The following ITGA2 variants were observed in gnomAD, a reference collection of about 807,000 sequenced individuals.
ITGA2 encodes integrin subunit alpha 2.
A neutral mutation model predicts 146.3 loss-of-function variants in ITGA2; 101 were observed. The ratio of observed to expected loss-of-function variants is 0.69; its 90% CI spans 0.59 to 0.81. The LOEUF is 0.81. Among genes scored for constraint, ITGA2 ranks in the 40% least tolerant of loss-of-function variants. ITGA2 has a pLI of 0.00. For missense variants in ITGA2, 1,281 were observed against 1,402.7 expected, an observed-to-expected ratio of 0.91 and a Z score of 1.39; for synonymous variants, 477 against 487.1, an observed-to-expected ratio of 0.98 and a Z score of 0.27.
At chr5:53,002,544 T>A (rs1327182763) in intron 1 of ITGA2, among the ~76,000 whole-genome samples, 1 of 152,210 alleles carries the variant, frequency 6.6e-6, no homozygotes, top group African/African-American at 2.4e-5. Context: ...CATGTGAGTT[T>A]TATATTTATA....
chr5:53,043,710 A>G (rs1743917952), intron 3 of ITGA2, among the ~76,000 whole-genome samples: 1 of 152,210 alleles, frequency 6.6e-6, no homozygotes, highest in Admixed American at 6.5e-5. Flanking sequence ...TGTAGGGAAC[A>G]TGGAGGCAGC....
Position 53,069,374 on chromosome 5 carries a change from T to C in ITGA2, c.2084-735T>C, listed in dbSNP as rs1421802374. On this transcript the variant is annotated intron_variant, in intron 16 of 29. Transcript: ENST00000296585. ...AAATTGCCCCAAGTCACAGAGCTCA[T>C]AAACAGCAGAATTAGGATTCAAACC... is the stretch of plus-strand genomic sequence containing the variant. Among the ~76,000 whole-genome samples the C allele has an allele frequency of 2.6e-5, 4 of 151,888 alleles. No homozygotes were observed. In the South Asian group the frequency reaches 6.2e-4, roughly 24 times the overall value.
rs762940906 is a variant in ITGA2 at position 53,065,848 on chromosome 5, T to G, written c.1814T>G (p.Leu605Trp). The stretch of plus-strand genomic sequence containing the variant: ...TCAAACCTGCTCTTTTAGAAAATCT[T>G]GGGATCCGATGGAGCCTTTAGGAGC... ...TIRTKYSQKI[L>W]GSDGAFRSHL... Residue 605 changes from leucine (L) to tryptophan (W), a missense_variant, in exon 15 of 30, where the codon TTG becomes TGG. Physicochemically the swap from Leu to Trp is moderately conservative, Grantham distance 61 (BLOSUM62 -2). This residue lies in a region of ITGA2 where 795 missense variants were observed against 841.7 expected (regional missense o/e 0.94). Transcript: ENST00000296585. 1.9e-6 allele frequency: 3 copies of G among 1,611,892 alleles called. No homozygotes were observed. Among genetic ancestry groups the G allele is most frequent in the East Asian group, 2.2e-5 (1 of 44,762 alleles).
rs73754087 is a variant in ITGA2 at position 52,992,086 on chromosome 5, C to A, written c.64+2554C>A. On this transcript the variant is annotated intron_variant, in intron 1 of 29. Coordinates refer to ENST00000296585, the MANE Select transcript of ITGA2 (RefSeq NM_002203.4). ...CCTCTTCAGTGCACGTCTTCAAATT[C>A]TCTCCCTAATGTAACTTCCCCTCAG... Among the ~76,000 whole-genome samples, 1,443 of 152,274 alleles carry A rather than the reference C, an allele frequency of 9.5e-3. 21 individuals are homozygous for A. The highest frequency in any genetic ancestry group is 0.033 in the African/African-American group (1,354 of 41,550).
At chr5:53,024,904 TA>T (rs1342748257) in intron 1 of ITGA2, among the ~76,000 whole-genome samples, 1 of 152,190 alleles carries the variant, frequency 6.6e-6, no homozygotes, top group Admixed American at 6.5e-5. Context: ...TGGCAAGACA[TA>T]AGTTAATAAT....
At chr5:53,033,028 G>C (rs915179123) in intron 2 of ITGA2, among the ~76,000 whole-genome samples, 1 of 152,172 alleles carries the variant, frequency 6.6e-6, no homozygotes. Context: ...AGCACTTTGG[G>C]AGGCCAAGGC....
chr5:53,046,149 C>T (rs557563318), intron 4 of ITGA2, among the ~76,000 whole-genome samples: 6 of 139,504 alleles, frequency 4.3e-5, no homozygotes, highest in Non-Finnish European at 9.1e-5. Context: ...GAGCCGAGAT[C>T]GTGCCACTGC....
chr5:53,071,884 C>G, intron 17 of ITGA2, 54 bp from the exon 18 acceptor site: 4 of 1,261,324 alleles, frequency 3.2e-6, no homozygotes, highest in Non-Finnish European at 4.6e-6. Flanking sequence ...TGTTGCTATG[C>G]TCTAATAAAC....
intron 1 of ITGA2, among the ~76,000 whole-genome samples, chr5:53,007,836 A>T (rs1741933065): frequency 6.6e-6 from 1 of 152,194 alleles, no homozygotes; most frequent in Non-Finnish European, 1.5e-5. Flanking sequence ...GAAATGTGAA[A>T]GGGCCTCCAA....
intron 1 of ITGA2, among the ~76,000 whole-genome samples, chr5:53,024,672 G>A (rs557141296): frequency 2.0e-5 from 3 of 152,232 alleles, no homozygotes; most frequent in Non-Finnish European, 4.4e-5. Flanking sequence ...CCTACATGCC[G>A]TATTAGGTGA....
intron 7 of ITGA2, among the ~76,000 whole-genome samples, chr5:53,054,699 CA>C (rs1744546544): frequency 6.6e-6 from 1 of 152,024 alleles, no homozygotes; most frequent in Non-Finnish European, 1.5e-5. Flanking sequence ...AGGTCTCCAT[CA>C]AAGTAAAAAA....
intron 2 of ITGA2, among the ~76,000 whole-genome samples, chr5:53,031,493 T>C (rs1217945150): frequency 1.3e-5 from 2 of 152,226 alleles, no homozygotes; most frequent in African/African-American, 4.8e-5. Context: ...CACTCTGTTA[T>C]TTTTAAAGTA....
chr5:53,083,534 A>G (rs1019593601), intron 27 of ITGA2, 81 bp downstream of exon 27: 11 of 904,470 alleles, frequency 1.2e-5, no homozygotes, highest in Middle Eastern at 2.1e-4. Flanking sequence ...CCCTTTGACA[A>G]AATAAGTATT....
intron 2 of ITGA2, among the ~76,000 whole-genome samples, chr5:53,035,216 C>T (rs1466152339): frequency 6.6e-6 from 1 of 152,200 alleles, no homozygotes; most frequent in African/African-American, 2.4e-5. Context: ...TCTCTCCCTC[C>T]AATAGCCAAG....
At chr5:53,088,596 G>C (rs1427030461) in intron 28 of ITGA2, among the ~76,000 whole-genome samples, 2 of 148,400 alleles carry the variant, frequency 1.3e-5, no homozygotes, top group East Asian at 4.0e-4. Context: ...TGAGGCAGGA[G>C]AATCGCTTGA....
At chr5:53,026,686 T>C in intron 1 of ITGA2, 62 bp from the exon 2 acceptor site, 1 of 1,469,608 alleles carries the variant, frequency 6.8e-7, no homozygotes, top group South Asian at 1.1e-5. Context: ...CCTTTGAGAA[T>C]TATACGACAC....
chr5:53,058,206 C>T (rs1391707099), intron 10 of ITGA2, 105 bp downstream of exon 10: 2 of 816,636 alleles, frequency 2.4e-6, no homozygotes, highest in Non-Finnish European at 4.3e-6. Flanking sequence ...AGGGATCAGC[C>T]CTTCTGATTC....
chr5:53,042,346 G>A (rs1743843455), intron 3 of ITGA2, 125 bp downstream of exon 3: 4 of 698,992 alleles, frequency 5.7e-6, no homozygotes, highest in African/African-American at 3.5e-5. Flanking sequence ...TATGTCTTTA[G>A]TAATATGGGG....
intron 2 of ITGA2, among the ~76,000 whole-genome samples, chr5:53,037,339 C>T (rs1743539692): frequency 6.6e-6 from 1 of 152,206 alleles, no homozygotes; most frequent in African/African-American, 2.4e-5. Context: ...AGAATCAGCA[C>T]ACATGCCTGT....
Sources: gnomAD v4.1 joint callset for allele counts (sites outside exome capture counted in the v4.1 genomes callset) on GRCh38, gnomAD v4.1.1 for gene constraint, gnomAD v4.1.1 regional missense constraint, MANE v1.5 for transcripts, NCBI Gene and HGNC (gene_info 2026-07-23, HGNC 2026-07-21) for gene names.